The following G2E3 variants were observed in gnomAD, a reference collection of about 807,000 sequenced individuals.
The protein encoded by G2E3 is G2/M-phase specific E3 ubiquitin protein ligase, also known as G2/M phase-specific E3 ubiquitin-protein ligase.
In G2E3, 35 loss-of-function variants were observed where a neutral mutation model predicts 92.8. That is an observed-to-expected ratio of 0.38 (90% confidence interval 0.29 to 0.50). G2E3 has a LOEUF of 0.50. G2E3 is among the 20% of genes least tolerant of loss of function. The pLI is 0.94. For missense variants in G2E3, 554 were observed against 823.8 expected, an observed-to-expected ratio of 0.67 and a Z score of 4.01; for synonymous variants, 242 against 272.4, an observed-to-expected ratio of 0.89 and a Z score of 1.10.
At position 30,605,534 on chromosome 14, in the gene G2E3, C is replaced by T; in HGVS notation, c.1040C>T (p.Ser347Leu). ...GGCAGCAAATTTAGAAGAAATGTAT[C>T]AACACTATTAATAGAGTTAGGATTC... is the stretch of plus-strand genomic sequence containing the variant. Reference protein sequence around the residue: ...RQGSKFRRNVSTLLIELGFQI... With the variant: ...RQGSKFRRNVLTLLIELGFQI... The change falls in exon 11 of 15, where the codon TCA (serine) becomes TTA (leucine). Residue 347 changes from serine to leucine, a missense_variant. Transcript: ENST00000206595. 2 of 1,402,494 alleles carry T rather than the reference C, an allele frequency of 1.4e-6. No individual in the cohort carries two copies. Among genetic ancestry groups the T allele is most frequent in the South Asian group, 1.3e-5 (1 of 77,452 alleles). 86.9% of individuals were successfully genotyped at this position (1,402,494 alleles called of 1,614,324 possible).
chr14:30,566,784 G>C (rs577000190), intron 1 of G2E3, among the ~76,000 whole-genome samples: 4 of 152,242 alleles, frequency 2.6e-5, no homozygotes, highest in African/African-American at 9.6e-5. Flanking sequence ...CAGATCTTAG[G>C]TGGAAAGTGT....
chr14:30,586,663 G>C, intron 2 of G2E3, 55 bp from the exon 3 acceptor site: 1 of 607,636 alleles, frequency 1.6e-6, no homozygotes, highest in Non-Finnish European at 2.8e-6. Flanking sequence ...ATTCCATAGG[G>C]TTTTTTTGAA....
rs1224658118 is a variant in G2E3, at chr14:30,585,573, A to C, written c.38-1145A>C. Among the ~76,000 whole-genome samples the C allele has an allele frequency of 5.4e-5, 8 of 149,432 alleles. No homozygotes were observed. In the South Asian group the frequency reaches 8.4e-4, roughly 16 times the overall value. Reference sequence around the variant, plus strand: ...TACTGTAGTTTTGTTGTAAGTTTTTAATCTTCTCCCCCTTTTTTTTTTTGG... The same window carrying C: ...TACTGTAGTTTTGTTGTAAGTTTTTCATCTTCTCCCCCTTTTTTTTTTTGG... On this transcript the variant is annotated intron_variant, in intron 2 of 14. Transcript: ENST00000206595.
At chr14:30,563,692 C>CG (rs1879253775) in intron 1 of G2E3, among the ~76,000 whole-genome samples, 2 of 113,068 alleles carry the variant, frequency 1.8e-5, no homozygotes, top group African/African-American at 7.8e-5. Context: ...AACTTTGTTA[C>CG]TTTTGTGTGT....
chr14:30,571,722 T>C (rs1879773659), intron 1 of G2E3, among the ~76,000 whole-genome samples: 1 of 152,072 alleles, frequency 6.6e-6, no homozygotes, highest in South Asian at 2.1e-4. Flanking sequence ...GAAAAGCAAT[T>C]GTCTGGGTCT....
chr14:30,608,588 C>T (rs557184056), intron 12 of G2E3, among the ~76,000 whole-genome samples: 29 of 152,288 alleles, frequency 1.9e-4, no homozygotes, highest in African/African-American at 4.8e-5. Flanking sequence ...GGACTTAATG[C>T]GTCCGCCTAA....
chr14:30,614,856 C>T (rs1263027891), intron 13 of G2E3, among the ~76,000 whole-genome samples: 1 of 151,986 alleles, frequency 6.6e-6, no homozygotes, highest in Non-Finnish European at 1.5e-5. Context: ...AATTTGTATT[C>T]TTTGCATAAA....
At chr14:30,591,009 A>T (rs1880980845) in intron 4 of G2E3, 1 of 197,480 alleles carries the variant, frequency 5.1e-6, no homozygotes, top group Non-Finnish European at 1.0e-5. Flanking sequence ...TTTGAGCATC[A>T]TGTTGGCACT....
Position 30,579,259 on chromosome 14 carries a change from A to G in G2E3, c.-4-1817A>G, listed in dbSNP as rs138794995. The stretch of plus-strand genomic sequence containing the variant: ...CTAGGAAAAATAGTACTCTAGACCT[A>G]CTTAACTCTAAAGCCCCCTTAAAAC... On this transcript the variant is annotated intron_variant, in intron 1 of 14. Transcript: ENST00000206595. Among the ~76,000 whole-genome samples, 439 of 152,300 alleles carry G rather than the reference A, an allele frequency of 2.9e-3. 3 individuals are homozygous for G. The highest frequency in any genetic ancestry group is 3.8e-3 in the Non-Finnish European group (259 of 68,010).
intron 1 of G2E3, among the ~76,000 whole-genome samples, chr14:30,577,223 CAAAAAAAA>C: frequency 1.2e-5 from 1 of 80,748 alleles, no homozygotes; most frequent in African/African-American, 4.2e-5. Flanking sequence ...GACTCTGTCT[CAAAAAAAA>C]AAAAAAAAAA....
chr14:30,594,156 C>G (rs1881154500), intron 6 of G2E3, among the ~76,000 whole-genome samples: 1 of 152,092 alleles, frequency 6.6e-6, no homozygotes, highest in Non-Finnish European at 1.5e-5. Context: ...CTTATTACTA[C>G]TTTTCAAGTA....
rs553587756 is a variant in G2E3, at chr14:30,598,399, A to G, written c.636-84A>G. 586 of 941,994 alleles carry G rather than the reference A, an allele frequency of 6.2e-4. 2 individuals are homozygous for G. The highest frequency in any genetic ancestry group is 8.9e-4 in the Non-Finnish European group (516 of 582,548). 58.4% of individuals were successfully genotyped at this position (941,994 alleles called of 1,614,324 possible). A position where few individuals can be genotyped will look rare whatever the true frequency, so the allele number is the denominator to read the frequency against. On this transcript the variant is annotated intron_variant, in intron 7 of 14. Coordinates refer to ENST00000206595, the MANE Select transcript of G2E3 (RefSeq NM_017769.5). ...AAGACTGCGTCTCAAGAACAAAAAA[A>G]GGTTTTTATTTTTAGATTCATTCCT...
chr14:30,559,359 CGTCGCAGCCGGG>C (rs1878948816), intron 1 of G2E3, 87 bp downstream of exon 1: 1 of 152,564 alleles, frequency 6.6e-6, no homozygotes, highest in African/African-American at 2.4e-5. Context: ...GGAGGCCGGA[CGTCGCAGCCGGG>C]GCCTCGCAGT....
At chr14:30,583,665 C>T (rs1473864883) in intron 2 of G2E3, among the ~76,000 whole-genome samples, 1 of 152,058 alleles carries the variant, frequency 6.6e-6, no homozygotes, top group Non-Finnish European at 1.5e-5. Context: ...AGTATTCTCA[C>T]CACAAGTGGT....
chr14:30,596,164 GTC>G (rs1555339703), intron 6 of G2E3, among the ~76,000 whole-genome samples: 3 of 148,612 alleles, frequency 2.0e-5, no homozygotes, highest in Non-Finnish European at 4.5e-5. Context: ...GTGTGTGTGT[GTC>G]ACTTGCTAAT....
At chr14:30,571,962 G>C (rs539430236) in intron 1 of G2E3, among the ~76,000 whole-genome samples, 30 of 148,412 alleles carry the variant, frequency 2.0e-4, no homozygotes, top group African/African-American at 7.0e-4. Flanking sequence ...AAAAAAACCT[G>C]CTGGGGATTT....
At chr14:30,610,390 G>A (rs2138909827) in intron 12 of G2E3, among the ~76,000 whole-genome samples, 1 of 152,274 alleles carries the variant, frequency 6.6e-6, no homozygotes, top group East Asian at 1.9e-4. Flanking sequence ...ACAGGTGGGT[G>A]GATCACCGGG....
chr14:30,566,446 A>G (rs1460652642), intron 1 of G2E3, among the ~76,000 whole-genome samples: 1 of 152,226 alleles, frequency 6.6e-6, no homozygotes, highest in Non-Finnish European at 1.5e-5. Flanking sequence ...TTTCAGTGCA[A>G]AAATCTTGCA....
intron 3 of G2E3, among the ~76,000 whole-genome samples, chr14:30,588,257 ATTAT>A (rs1024950610): frequency 9.2e-5 from 14 of 151,902 alleles, no homozygotes; most frequent in African/African-American, 3.1e-4. Flanking sequence ...AAGTAAAAGG[ATTAT>A]TTTATTTTTT....
Sources: allele counts gnomAD v4.1 joint callset (sites outside exome capture counted in the v4.1 genomes callset), GRCh38; gene constraint gnomAD v4.1.1; transcripts MANE v1.5; gene names NCBI Gene and HGNC (gene_info 2026-07-23, HGNC 2026-07-21).